The following AFF3 variants were observed in gnomAD, a reference collection of about 807,000 sequenced individuals.
AFF3 encodes ALF transcription elongation factor 3, also known as AF4/FMR2 family member 3.
AFF3 carries 32 observed loss-of-function variants against 129.7 expected under a neutral mutation model. That is an observed-to-expected ratio of 0.25 (90% CI 0.19 to 0.33). The LOEUF (loss-of-function observed/expected upper bound fraction) is 0.33, where lower values mean the gene tolerates loss of function less well. Ranked by LOEUF, AFF3 falls within the 10% of genes least tolerant of loss-of-function variation. AFF3 has a pLI of 1.00. For synonymous variants in AFF3, 644 were observed against 635.4 expected (o/e 1.01, Z -0.20); for missense variants, 1,373 against 1,592.0 (o/e 0.86, Z 2.34).
intron 12 of AFF3, among the ~76,000 whole-genome samples, chr2:99,672,178 TCACA>T (rs1177303721): frequency 0.015 from 842 of 56,222 alleles, 5 homozygotes; most frequent in East Asian, 0.058. Context: ...AGTTAGCTTC[TCACA>T]CACACACACA....
chr2:99,793,668 CTGT>C (rs1453723242), intron 8 of AFF3, among the ~76,000 whole-genome samples: 2 of 152,136 alleles, frequency 1.3e-5, no homozygotes, highest in Non-Finnish European at 2.9e-5. Flanking sequence ...TTTCTCTTTT[CTGT>C]TGTTTAGCCC....
Position 99,793,283 on chromosome 2 carries a change from T to C in AFF3, c.922-40982A>G, listed in dbSNP as rs149241824. Among the ~76,000 whole-genome samples the C allele has an allele frequency of 1.3e-3, 205 of 152,372 alleles. 1 individual carries two copies. Among genetic ancestry groups the C allele is most frequent in the African/African-American group, 4.7e-3 (197 of 41,586 alleles). On this transcript the variant is annotated intron_variant, in intron 8 of 24. Coordinates refer to ENST00000672756, the MANE Select transcript of AFF3 (RefSeq NM_001386135.1). ...CCTTCCATCCTGACTATAAGCTTCGTGAGGCCTCGCCAGAAGCGAATGCTA... is the reference window on the plus strand; with the variant it reads ...CCTTCCATCCTGACTATAAGCTTCGCGAGGCCTCGCCAGAAGCGAATGCTA...
At chr2:99,848,558 G>T (rs1269903539) in intron 7 of AFF3, among the ~76,000 whole-genome samples, 1 of 152,126 alleles carries the variant, frequency 6.6e-6, no homozygotes, top group African/African-American at 2.4e-5. Flanking sequence ...ATGGAGAAAA[G>T]TTTGTGTTTA....
chr2:99,749,569 T>C (rs1221213470), intron 9 of AFF3, among the ~76,000 whole-genome samples: 1 of 152,234 alleles, frequency 6.6e-6, no homozygotes, highest in African/African-American at 2.4e-5. Context: ...ATTCTAAGCA[T>C]TGTGCATTTT....
intron 7 of AFF3, among the ~76,000 whole-genome samples, chr2:99,899,001 C>A (rs940162459): frequency 6.6e-6 from 1 of 152,224 alleles, no homozygotes; most frequent in East Asian, 1.9e-4. Context: ...GCTAATCTCA[C>A]CTTCTAAACC....
chr2:100,006,608 T>A, intron 7 of AFF3, 24 bp downstream of exon 7: 2 of 1,579,230 alleles, frequency 1.3e-6, no homozygotes, highest in Non-Finnish European at 1.7e-6. Flanking sequence ...CAGTTGCATG[T>A]GAACGGTGCT....
At chr2:99,926,211 CGAGA>C (rs1268134021) in intron 7 of AFF3, among the ~76,000 whole-genome samples, 1 of 152,158 alleles carries the variant, frequency 6.6e-6, no homozygotes, top group Non-Finnish European at 1.5e-5. Context: ...GAAAGGAAAG[CGAGA>C]GAGCTAGTGA....
At chr2:99,611,085 G>C (rs1017338277) in intron 13 of AFF3, among the ~76,000 whole-genome samples, 2 of 152,094 alleles carry the variant, frequency 1.3e-5, no homozygotes, top group Non-Finnish European at 2.9e-5. Flanking sequence ...CTGCGGTTGA[G>C]CTCATCCATT....
chr2:99,779,325 T>C (rs1684206906), intron 8 of AFF3, among the ~76,000 whole-genome samples: 1 of 152,228 alleles, frequency 6.6e-6, no homozygotes, highest in African/African-American at 2.4e-5. Context: ...TAGAGTATGT[T>C]ATATTAATTT....
At chr2:99,579,897 GAA>G (rs1181215392) in intron 17 of AFF3, among the ~76,000 whole-genome samples, 2 of 152,236 alleles carry the variant, frequency 1.3e-5, no homozygotes, top group Non-Finnish European at 2.9e-5. Flanking sequence ...TGGTTTCTCT[GAA>G]GTAATTAAAT....
chr2:99,805,931 C>T (rs368466162), intron 8 of AFF3, among the ~76,000 whole-genome samples: 3 of 151,932 alleles, frequency 2.0e-5, no homozygotes, highest in Non-Finnish European at 4.4e-5. Flanking sequence ...GTAACCAGCA[C>T]ATCTTTGAAA....
intron 8 of AFF3, among the ~76,000 whole-genome samples, chr2:99,795,186 C>A (rs938956130): frequency 6.6e-6 from 1 of 152,142 alleles, no homozygotes; most frequent in Non-Finnish European, 1.5e-5. Context: ...CACACACACA[C>A]ACACCATGGA....
intron 22 of AFF3, among the ~76,000 whole-genome samples, chr2:99,556,973 T>A (rs748278409): frequency 5.3e-5 from 8 of 152,008 alleles, no homozygotes; most frequent in Non-Finnish European, 8.8e-5. Context: ...AGGAATAAGT[T>A]CTGGAGATCT....
intron 2 of AFF3, among the ~76,000 whole-genome samples, chr2:100,116,233 TG>T (rs559393337): frequency 2.0e-3 from 301 of 152,292 alleles, no homozygotes; most frequent in African/African-American, 6.9e-3. Flanking sequence ...TATATCCTTA[TG>T]TTTTATATGT....
chr2:99,580,243 G>T (rs1292040010), intron 17 of AFF3, among the ~76,000 whole-genome samples: 1 of 151,942 alleles, frequency 6.6e-6, no homozygotes, highest in Non-Finnish European at 1.5e-5. Flanking sequence ...TCGCATCAGG[G>T]GTCAGCCATC....
chr2:99,563,167 C>T (rs926942389), intron 20 of AFF3, among the ~76,000 whole-genome samples: 7 of 151,214 alleles, frequency 4.6e-5, no homozygotes, highest in Admixed American at 6.6e-5. Flanking sequence ...GGGCAATGTG[C>T]GGATGTAATT....
At chr2:99,582,359 G>T (rs1677653327) in intron 17 of AFF3, among the ~76,000 whole-genome samples, 1 of 152,086 alleles carries the variant, frequency 6.6e-6, no homozygotes, top group Non-Finnish European at 1.5e-5. Flanking sequence ...GGTGGTGGGG[G>T]TCCCCCACTG....
chr2:99,769,205 C>T (rs765910178), intron 8 of AFF3, among the ~76,000 whole-genome samples: 1 of 151,886 alleles, frequency 6.6e-6, no homozygotes, highest in Non-Finnish European at 1.5e-5. Context: ...TTGTCTTTGC[C>T]GATCATACAT....
At chr2:99,923,282 A>C (rs1695983358) in intron 7 of AFF3, among the ~76,000 whole-genome samples, 1 of 152,208 alleles carries the variant, frequency 6.6e-6, no homozygotes, top group African/African-American at 2.4e-5. Flanking sequence ...CTCCTTAGAG[A>C]GCTACAAGAT....
Sources: allele counts gnomAD v4.1 joint callset (sites outside exome capture counted in the v4.1 genomes callset), GRCh38; gene constraint gnomAD v4.1.1; transcripts MANE v1.5; gene names NCBI Gene and HGNC (gene_info 2026-07-23, HGNC 2026-07-21).